PCDH15: variants seen among roughly 807,000 people sequenced by gnomAD.
PCDH15 encodes the protein protocadherin related 15, also known as protocadherin-15.
A neutral mutation model predicts 178.5 loss-of-function variants in PCDH15; 129 were observed. The observed-to-expected ratio is 0.72, with a 90% CI of 0.63 to 0.84. The LOEUF is 0.84. Among genes scored for constraint, PCDH15 ranks in the 40% least tolerant of loss-of-function variants. PCDH15 has a pLI of 0.00. For missense variants in PCDH15, 2,230 were observed against 2,099.9 expected, an observed-to-expected ratio of 1.06 and a Z score of -1.21; for synonymous variants, 800 against 732.0, an observed-to-expected ratio of 1.09 and a Z score of -1.50.
intron 13 of PCDH15, among the ~76,000 whole-genome samples, chr10:54,156,882 A>G (rs1271025368): frequency 6.6e-6 from 1 of 152,218 alleles, no homozygotes; most frequent in Non-Finnish European, 1.5e-5. Context: ...TACAGGCCCC[A>G]AGCAAGTCCG....
chr10:53,976,354 A>G (rs1485284348), intron 21 of PCDH15, among the ~76,000 whole-genome samples: 1 of 152,184 alleles, frequency 6.6e-6, no homozygotes, highest in Non-Finnish European at 1.5e-5. Context: ...ATAAAAAATG[A>G]AAAAGCTCAC....
chr10:55,002,344 CA>C (rs1839813365), intron 2 of PCDH15, among the ~76,000 whole-genome samples: 5 of 152,118 alleles, frequency 3.3e-5, no homozygotes, highest in Admixed American at 3.3e-4. Context: ...TTTCCAAAAA[CA>C]ATATTTGCAT....
At chr10:54,189,134 C>G (rs1364481052) in intron 11 of PCDH15, among the ~76,000 whole-genome samples, 2 of 151,742 alleles carry the variant, frequency 1.3e-5, no homozygotes, top group Non-Finnish European at 2.9e-5. Context: ...TTTCATAGTA[C>G]TATAAACAAT....
intron 2 of PCDH15, among the ~76,000 whole-genome samples, chr10:54,990,193 T>A (rs1839466228): frequency 6.6e-6 from 1 of 152,230 alleles, no homozygotes; most frequent in Non-Finnish European, 1.5e-5. Flanking sequence ...TGGAGATCTG[T>A]TATGAAAATT....
At chr10:55,061,712 C>T (rs532963602) in intron 2 of PCDH15, among the ~76,000 whole-genome samples, 31 of 152,242 alleles carry the variant, frequency 2.0e-4, no homozygotes, top group African/African-American at 7.5e-4. Flanking sequence ...ATATATTACT[C>T]AGGGCACTAA....
intron 3 of PCDH15, among the ~76,000 whole-genome samples, chr10:54,511,054 T>C (rs184793266): frequency 1.4e-3 from 215 of 152,304 alleles, no homozygotes; most frequent in Non-Finnish European, 2.2e-3. Flanking sequence ...AGAAGCATGA[T>C]TTTACCGTTA....
At chr10:54,049,109 G>A (rs974282857) in intron 18 of PCDH15, among the ~76,000 whole-genome samples, 2 of 151,980 alleles carry the variant, frequency 1.3e-5, no homozygotes, top group African/African-American at 4.8e-5. Context: ...GCATTCCTAG[G>A]TATTTTATTT....
intron 1 of PCDH15, among the ~76,000 whole-genome samples, chr10:54,776,171 C>T (rs1031457410): frequency 2.6e-5 from 4 of 152,050 alleles, no homozygotes; most frequent in African/African-American, 4.8e-5. Flanking sequence ...TTCAGTCATC[C>T]ACTGATAGAC....
At chr10:55,168,034 T>A (rs1003746806) in intron 1 of PCDH15, among the ~76,000 whole-genome samples, 2 of 152,180 alleles carry the variant, frequency 1.3e-5, no homozygotes, top group African/African-American at 4.8e-5. Flanking sequence ...ACTTTGGGGA[T>A]TAATGTATAT....
At chr10:53,822,565 T>A (rs1291063888) in intron 32 of PCDH15, 1 of 1,613,928 alleles carries the variant, frequency 6.2e-7, no homozygotes, top group Admixed American at 1.7e-5. Flanking sequence ...ATAGGTAACA[T>A]ACAAATAGGT....
At chr10:55,338,925 A>C (rs1436237269) in intron 2 of PCDH15, among the ~76,000 whole-genome samples, 2 of 152,214 alleles carry the variant, frequency 1.3e-5, no homozygotes, top group Non-Finnish European at 2.9e-5. Context: ...AAAGCTAAAA[A>C]TAAAGAAGAA....
chr10:54,948,473 A>T (rs970828490), intron 2 of PCDH15, among the ~76,000 whole-genome samples: 2 of 152,000 alleles, frequency 1.3e-5, no homozygotes, highest in African/African-American at 4.8e-5. Context: ...AGCTAATGAG[A>T]CATTATTTCT....
intron 2 of PCDH15, among the ~76,000 whole-genome samples, chr10:54,905,560 G>T (rs1410418205): frequency 2.0e-5 from 3 of 152,100 alleles, no homozygotes; most frequent in African/African-American, 7.2e-5. Context: ...TAGTTCAGAT[G>T]ATGTGAGATT....
chr10:55,543,443 G>T (rs1337039663), intron 2 of PCDH15, among the ~76,000 whole-genome samples: 1 of 150,090 alleles, frequency 6.7e-6, no homozygotes, highest in Non-Finnish European at 1.5e-5. Flanking sequence ...TATAATAGTT[G>T]TTCATAGAAA....
intron 2 of PCDH15, among the ~76,000 whole-genome samples, chr10:54,616,054 G>A (rs769449522): frequency 9.2e-5 from 14 of 151,860 alleles, no homozygotes; most frequent in Admixed American, 7.2e-4. Flanking sequence ...ATTTTTTTGA[G>A]TAGAAATAAA....
intron 1 of PCDH15, among the ~76,000 whole-genome samples, chr10:55,251,184 C>T (rs535940627): frequency 2.0e-4 from 31 of 152,062 alleles, no homozygotes; most frequent in Middle Eastern, 3.4e-3. Flanking sequence ...TTTACTTGTA[C>T]TCATTTGTGC....
chr10:55,172,228 C>T (rs1420798097), intron 1 of PCDH15, among the ~76,000 whole-genome samples: 1 of 151,680 alleles, frequency 6.6e-6, no homozygotes, highest in Non-Finnish European at 1.5e-5. Context: ...AAAATGAACA[C>T]CTAAACAGAA....
intron 2 of PCDH15, among the ~76,000 whole-genome samples, chr10:55,352,199 C>T (rs1463296054): frequency 6.6e-6 from 1 of 152,086 alleles, no homozygotes; most frequent in Non-Finnish European, 1.5e-5. Context: ...TATTATACAT[C>T]ACTTTAATAT....
chr10:55,411,105 C>T (rs1292226614), intron 2 of PCDH15, among the ~76,000 whole-genome samples: 1 of 151,998 alleles, frequency 6.6e-6, no homozygotes, highest in African/African-American at 2.4e-5. Context: ...GATTTCATGT[C>T]CTTAGTGTAG....
Sources: gnomAD v4.1 joint callset for allele counts (sites outside exome capture counted in the v4.1 genomes callset) on GRCh38, gnomAD v4.1.1 for gene constraint, MANE v1.5 for transcripts, NCBI Gene and HGNC (gene_info 2026-07-23, HGNC 2026-07-21) for gene names.